ZNF518A: variants seen among roughly 807,000 people sequenced by gnomAD.
The protein encoded by ZNF518A is zinc finger protein 518A, also known as zinc finger protein 518.
In ZNF518A, 47 loss-of-function variants were observed where a neutral mutation model predicts 102.7. That is an observed-to-expected ratio of 0.46 (90% confidence interval 0.36 to 0.58). The LOEUF is 0.58. Among genes scored for constraint, ZNF518A ranks in the 20% least tolerant of loss-of-function variants. The probability of loss-of-function intolerance (pLI) is 0.00; values close to 1 mark genes in which losing one functional copy is unlikely to be tolerated. For missense variants in ZNF518A, 1,793 were observed against 1,699.8 expected (o/e 1.05, Z -0.96); for synonymous variants, 652 against 594.6 (o/e 1.10, Z -1.40).
At chr10:96,144,182 C>T (rs968112572) in intron 3 of ZNF518A, among the ~76,000 whole-genome samples, 14 of 152,116 alleles carry the variant, frequency 9.2e-5, no homozygotes, top group Non-Finnish European at 1.9e-4. Flanking sequence ...AATGGGGTTT[C>T]GCCATGTTTT....
chr10:96,157,252 A>G lies in ZNF518A; in HGVS notation c.930A>G (p.Gly310=). The part of the protein sequence containing the change: ...YEKRMAKTSA[G]LKLILKRYKI... The stretch of plus-strand genomic sequence containing the variant: ...AAAGAATGGCAAAGACTTCTGCAGG[A>G]CTTAAGCTAATACTGAAAAGATATA... The change falls in exon 6 of 6, where the codon GGA becomes GGG. Residue 310 remains glycine, a synonymous_variant. Transcript: ENST00000316045. The G allele has an allele frequency of 6.2e-7, 1 of 1,610,996 alleles. No homozygotes were observed.
chr10:96,194,108 T>A (rs1331239745), intron 1 of ZNF518A, among the ~76,000 whole-genome samples: 1 of 152,132 alleles, frequency 6.6e-6, no homozygotes, highest in African/African-American at 2.4e-5. Flanking sequence ...GGAATTCCTG[T>A]TTACCAGAGT....
At position 96,158,991 on chromosome 10, in the gene ZNF518A, CTCAG is replaced by C. The variant is rs1554885326; in HGVS notation, c.2674_2677del (p.Ser892MetfsTer3). 1.9e-6 allele frequency: 3 copies of C among 1,613,632 alleles called. No homozygotes were observed. Among genetic ancestry groups the C allele is most frequent in the Non-Finnish European group, 8.5e-7 (1 of 1,179,734 alleles). ...TCAGGTTTTGGCACATTACTTAAGACTCAGTCAGATGCGATAATAACACAGCAGC... is the reference window on the plus strand; with the variant it reads ...TCAGGTTTTGGCACATTACTTAAGACTCAGATGCGATAATAACACAGCAGC... On this transcript the variant is annotated frameshift_variant, in exon 6 of 6. Coordinates refer to ENST00000316045, the MANE Select transcript of ZNF518A (RefSeq NM_001330736.2). LOFTEE classifies it high-confidence loss of function.
At chr10:96,136,117 T>G (rs1038058478) in intron 3 of ZNF518A, among the ~76,000 whole-genome samples, 10 of 151,992 alleles carry the variant, frequency 6.6e-5, no homozygotes, top group Non-Finnish European at 2.9e-5. Context: ...TATGAGGCAT[T>G]TGGAAAGCCA....
At chr10:96,179,324 A>G (rs879948981) in intron 1 of ZNF518A, among the ~76,000 whole-genome samples, 5 of 152,212 alleles carry the variant, frequency 3.3e-5, no homozygotes, top group Non-Finnish European at 7.4e-5. Flanking sequence ...TTTAAAATAG[A>G]CAAAGGAACA....
intron 3 of ZNF518A, among the ~76,000 whole-genome samples, chr10:96,142,305 G>GGGGTGTGTGTGTGTGT (rs1299273019): frequency 4.8e-5 from 5 of 104,048 alleles, no homozygotes; most frequent in Non-Finnish European, 9.1e-5. Context: ...ATATTCTTAG[G>GGGGTGTGTGTGTGTGT]GTGTGTGTGT....
rs1591277998 is a variant in ZNF518A, at chr10:96,180,769, T to C, written n.36-22805T>C. Among the ~76,000 whole-genome samples, 3 of 152,280 alleles carry C rather than the reference T, an allele frequency of 2.0e-5. No individual in the cohort carries two copies. The East Asian group carries it at 5.8e-4, about 29-fold the overall frequency. ...CTGATGGACATTTGGGTTGGTTCCA[T>C]GTCTTTGCTATTGTGAATAGTGCCG... On this transcript the variant is annotated intron_variant and non_coding_transcript_variant, in intron 1 of 2. Transcript: ENST00000442635.
At chr10:96,199,792 G>A (rs587684483) in intron 1 of ZNF518A, among the ~76,000 whole-genome samples, 8 of 152,138 alleles carry the variant, frequency 5.3e-5, no homozygotes, top group Non-Finnish European at 1.0e-4. Context: ...GGCCAAGGCC[G>A]CCAGGCAGAT....
intron 1 of ZNF518A, among the ~76,000 whole-genome samples, chr10:96,171,309 CATAA>C (rs1419629995): frequency 1.3e-5 from 2 of 152,092 alleles, no homozygotes; most frequent in East Asian, 3.9e-4. Context: ...CTGATGAATG[CATAA>C]ATAAATGTGT....
At chr10:96,169,936 A>G (rs1168790103) in intron 1 of ZNF518A, among the ~76,000 whole-genome samples, 1 of 152,222 alleles carries the variant, frequency 6.6e-6, no homozygotes. Flanking sequence ...TGGTCAGCTA[A>G]TAAGTAGACA....
chr10:96,204,972 CTT>C, downstream of ZNF518A: 1 of 331,768 alleles, frequency 3.0e-6, no homozygotes, highest in Non-Finnish European at 5.9e-6. Flanking sequence ...TCACCCTCTA[CTT>C]GCCATGTGGC....
At chr10:96,137,740 CT>C (rs2081678825) in intron 3 of ZNF518A, among the ~76,000 whole-genome samples, 1 of 152,198 alleles carries the variant, frequency 6.6e-6, no homozygotes, top group African/African-American at 2.4e-5. Context: ...TTTATTCCCC[CT>C]GGTGATTTCA....
chr10:96,159,212 C>G lies in ZNF518A; in HGVS notation c.2890C>G (p.Gln964Glu). Residue 964 changes from glutamine to glutamate, a missense_variant, in exon 6 of 6, where the codon CAA becomes GAA. Coordinates refer to ENST00000316045, the MANE Select transcript of ZNF518A (RefSeq NM_001330736.2). ...AAATGCACTTCCATTGGTTAATTCACAAGGTATCCCTGCTTCTCTTTTTGT... is the reference window on the plus strand; with the variant it reads ...AAATGCACTTCCATTGGTTAATTCAGAAGGTATCCCTGCTTCTCTTTTTGT... ...PGNALPLVNS[Q>E]GIPASLFVNK... 6.2e-7 allele frequency: 1 copy of G among 1,613,736 alleles called. No homozygotes were observed. Among genetic ancestry groups the G allele is most frequent in the South Asian group, 1.1e-5 (1 of 91,064 alleles).
intron 1 of ZNF518A, among the ~76,000 whole-genome samples, chr10:96,170,218 C>G (rs1195269310): frequency 2.6e-5 from 4 of 152,182 alleles, no homozygotes; most frequent in Admixed American, 1.3e-4. Context: ...TTCTTCCAAG[C>G]TTTTTGGTTA....
At chr10:96,130,279 C>T (rs2142153153), upstream of ZNF518A, among the ~76,000 whole-genome samples, 1 of 152,334 alleles carries the variant, frequency 6.6e-6, no homozygotes, top group Admixed American at 6.5e-5. Context: ...TAGTCCCGGC[C>T]ATTCAGCGCT....
intron 1 of ZNF518A, among the ~76,000 whole-genome samples, chr10:96,187,073 A>C (rs1289080959): frequency 6.6e-6 from 1 of 152,236 alleles, no homozygotes; most frequent in Non-Finnish European, 1.5e-5. Flanking sequence ...CACAGTTCTC[A>C]TCAGATTCTC....
At chr10:96,180,727 C>G (rs2083235284) in intron 1 of ZNF518A, among the ~76,000 whole-genome samples, 1 of 152,186 alleles carries the variant, frequency 6.6e-6, no homozygotes, top group African/African-American at 2.4e-5. Context: ...GCCACATTTT[C>G]TTAATCCAGT....
Position 96,156,221 on chromosome 10 carries a change from G to C in ZNF518A, c.-102G>C, listed in dbSNP as rs2082687333. On this transcript the variant is annotated 5_prime_UTR_variant, in exon 6 of 6. Transcript: ENST00000316045. ...GGTGAGTTATTGTGGGAAAAATCCT[G>C]TATATTGAAGATGTCTCTACACAGT... 9.1e-7 allele frequency: 1 copy of C among 1,099,390 alleles called. No homozygotes were observed. The highest frequency in any genetic ancestry group is 1.2e-6 in the Non-Finnish European group (1 of 811,888). 68.1% of individuals were successfully genotyped at this position (1,099,390 alleles called of 1,614,324 possible). A position where few individuals can be genotyped will look rare whatever the true frequency, so the allele number is the denominator to read the frequency against.
rs2082824049 is a variant in ZNF518A at position 96,158,580 on chromosome 10, T to C, written c.2258T>C (p.Phe753Ser). The C allele has an allele frequency of 6.2e-7, 1 of 1,613,200 alleles. No individual in the cohort carries two copies. Among genetic ancestry groups the C allele is most frequent in the East Asian group, 2.2e-5 (1 of 44,868 alleles). ...ACTGAAAAATCTAAATGGGAAGACT[T>C]TTCTAATGTCGATTCACCTATGATG... The part of the protein sequence containing the change: ...CATEKSKWED[F>S]SNVDSPMMPR... Residue 753 changes from phenylalanine (F) to serine (S), a missense_variant, in exon 6 of 6, where the codon TTT becomes TCT. Physicochemically the swap from Phe to Ser is radical, Grantham distance 155. This residue lies in a region of ZNF518A where 1,741 missense variants were observed against 1,622.6 expected (regional missense o/e 1.07). Coordinates refer to ENST00000316045, the MANE Select transcript of ZNF518A (RefSeq NM_001330736.2).
Sources: allele counts gnomAD v4.1 joint callset (sites outside exome capture counted in the v4.1 genomes callset), GRCh38; gene constraint gnomAD v4.1.1; regional missense constraint gnomAD v4.1.1; transcripts MANE v1.5; gene names NCBI Gene and HGNC (gene_info 2026-07-23, HGNC 2026-07-21).